Variants in NEFL observed in about 807,000 individuals in gnomAD.
NEFL encodes the protein neurofilament light polypeptide.
NEFL carries 36 observed loss-of-function variants against 51.6 expected under a neutral mutation model. That is an observed-to-expected ratio of 0.70 (90% CI 0.53 to 0.92). The LOEUF (loss-of-function observed/expected upper bound fraction) is 0.92. Among genes scored for constraint, NEFL ranks in the 40% least tolerant of loss-of-function variants. The pLI is 0.00. For missense variants in NEFL, 671 were observed against 722.0 expected (o/e 0.93, Z 0.81); for synonymous variants, 332 against 302.5 (o/e 1.10, Z -1.01).
Position 24,955,084 on chromosome 8 carries a change from G to A in NEFL, c.1044+388C>T, listed in dbSNP as rs1031723023. 5 of 208,852 alleles carry A rather than the reference G, an allele frequency of 2.4e-5. No individual in the cohort carries two copies. Among genetic ancestry groups the A allele is most frequent in the Non-Finnish European group, 3.9e-5 (4 of 103,280 alleles). 12.9% of individuals were successfully genotyped at this position (208,852 alleles called of 1,614,324 possible). A position where few individuals can be genotyped will look rare whatever the true frequency, so the allele number is the denominator to read the frequency against. On this transcript the variant is annotated intron_variant, in intron 1 of 3. Transcript: ENST00000610854. The surrounding 1 kb of genome is among the most constrained non-coding windows in gnomAD (Gnocchi z 4.0). ...AGTAATCCTTCAGAATTAATTGAGAGTTGTTCACTCTACTATTTATTAACT... is the reference window on the plus strand; with the variant it reads ...AGTAATCCTTCAGAATTAATTGAGAATTGTTCACTCTACTATTTATTAACT...
Position 24,956,044 on chromosome 8 carries a change from G to T in NEFL, c.472C>A (p.Gln158Lys). ...LAAEDATNEK[Q>K]ALQGEREGLE... ...CCTTCGCGCTCGCCCTGGAGCGCCT[G>T]CTTCTCGTTGGTGGCATCTTCCGCC... The change falls in exon 1 of 4, where the codon CAG becomes AAG. Residue 158 changes from glutamine to lysine, a missense_variant. Gln to Lys is a moderately conservative substitution (Grantham distance 53). Coordinates refer to ENST00000610854, the MANE Select transcript of NEFL (RefSeq NM_006158.5). This position sits in a 1 kb window ranked among gnomAD's most constrained non-coding sequence, Gnocchi z 5.9. The T allele has an allele frequency of 6.2e-7, 1 of 1,604,130 alleles. No homozygotes were observed.
chr8:24,955,236 G>T lies in NEFL; in HGVS notation c.1044+236C>A, dbSNP rs1248992756. 3.7e-6 allele frequency: 2 copies of T among 534,714 alleles called. No homozygotes were observed. The highest frequency in any genetic ancestry group is 6.5e-6 in the Non-Finnish European group (2 of 305,638). 33.1% of individuals were successfully genotyped at this position (534,714 alleles called of 1,614,324 possible). ...CCCCTCCCCCACCCAACAAGGGCTG[G>T]GCAGCTTTAATGCGGAACGCCGGTG... On this transcript the variant is annotated intron_variant, in intron 1 of 3. Transcript: ENST00000610854. The surrounding 1 kb of genome is among the most constrained non-coding windows in gnomAD (Gnocchi z 4.0).
intron 2 of NEFL, 189 bp downstream of exon 2, chr8:24,953,992 C>G: frequency 8.5e-7 from 1 of 1,174,164 alleles, no homozygotes; most frequent in Non-Finnish European, 1.2e-6. Context: ...AAGATAAAAA[C>G]AGGACTCCTA....
Position 24,953,458 on chromosome 8 carries a change from G to A in NEFL, c.1489+18C>T, listed in dbSNP as rs1426778020. On this transcript the variant is annotated intron_variant, in intron 3 of 3. Coordinates refer to ENST00000610854, the MANE Select transcript of NEFL (RefSeq NM_006158.5). ...CCCAGTTTACACTTGAAGTTGCAGG[G>A]GTTTTTTCTTATCATACCTTCTTCC... 2 of 1,550,646 alleles carry A rather than the reference G, an allele frequency of 1.3e-6. No homozygotes were observed. Among genetic ancestry groups the A allele is most frequent in the Admixed American group, 2.0e-5 (1 of 51,066 alleles).
rs1042553775 is a variant in NEFL at position 24,952,386 on chromosome 8, G to A, written c.*424C>T. 6.2e-6 allele frequency: 1 copy of A among 160,008 alleles called. No homozygotes were observed. Among genetic ancestry groups the A allele is most frequent in the Non-Finnish European group, 1.4e-5 (1 of 72,858 alleles). The allele number at this position is 160,008 out of a possible 1,614,324, so 9.9% of individuals were successfully genotyped here. The stretch of plus-strand genomic sequence containing the variant: ...ACCACAGCAAAAAATACATCATTCG[G>A]TATAACTTTATTTACTATTTATTGC... On this transcript the variant is annotated 3_prime_UTR_variant, in exon 4 of 4. Coordinates refer to ENST00000610854, the MANE Select transcript of NEFL (RefSeq NM_006158.5).
chr8:24,953,664 A>C lies in NEFL; in HGVS notation c.1301T>G (p.Met434Arg). Residue 434 changes from methionine to arginine, a missense_variant, in exon 3 of 4, where the codon ATG becomes AGG. Transcript: ENST00000610854. ...GTAGGACGGGAAGGAGCGGGTGGAC[A>C]TCAGATAGGAGCTGGTCTGTAAACC... Reference protein sequence around the residue: ...YGGLQTSSYLMSTRSFPSYYT... With the variant: ...YGGLQTSSYLRSTRSFPSYYT... 1 of 1,613,996 alleles carries C rather than the reference A, an allele frequency of 6.2e-7. No homozygotes were observed. The highest frequency in any genetic ancestry group is 1.1e-5 in the South Asian group (1 of 91,078).
rs1803002899 is a variant in NEFL at position 24,953,700 on chromosome 8, G to A, written c.1265C>T (p.Ser422Phe). The stretch of plus-strand genomic sequence containing the variant: ...GCTGGTCTGTAAACCGCCGTAGGCA[G>A]ATCGGCCAAAGACCTGGGAGCTCTG... ...YSQSSQVFGR[S>F]AYGGLQTSSY... Residue 422 changes from serine to phenylalanine, a missense_variant, in exon 3 of 4, where the codon TCT (serine) becomes TTT (phenylalanine). Transcript: ENST00000610854. 6.2e-7 allele frequency: 1 copy of A among 1,614,018 alleles called. No homozygotes were observed. Among genetic ancestry groups the A allele is most frequent in the Non-Finnish European group, 8.5e-7 (1 of 1,179,886 alleles).
Position 24,955,266 on chromosome 8 carries a change from A to C in NEFL, c.1044+206T>G. 1 of 548,336 alleles carries C rather than the reference A, an allele frequency of 1.8e-6. No individual in the cohort carries two copies. The allele number at this position is 548,336 out of a possible 1,614,324, so 34.0% of individuals were successfully genotyped here. A position where few individuals can be genotyped will look rare whatever the true frequency, so the allele number is the denominator to read the frequency against. ...CTTTAATGCGGAACGCCGGTGCAGC[A>C]GCACGGAGCACACTCCCAGACTACA... On this transcript the variant is annotated intron_variant, in intron 1 of 3. Transcript: ENST00000610854. This position sits in a 1 kb window ranked among gnomAD's most constrained non-coding sequence, Gnocchi z 4.0.
chr8:24,955,311 C>G lies in NEFL; in HGVS notation c.1044+161G>C. ...ACTACAGTGGCGCCCGCACTCACGC[C>G]CTTCAAGTGCCCCACCCCTCCCACA... On this transcript the variant is annotated intron_variant, in intron 1 of 3. Coordinates refer to ENST00000610854, the MANE Select transcript of NEFL (RefSeq NM_006158.5). The surrounding 1 kb of genome is among the most constrained non-coding windows in gnomAD (Gnocchi z 4.0). 1 of 694,718 alleles carries G rather than the reference C, an allele frequency of 1.4e-6. No homozygotes were observed. Among genetic ancestry groups the G allele is most frequent in the Non-Finnish European group, 2.4e-6 (1 of 424,718 alleles). The allele number at this position is 694,718 out of a possible 1,614,324, so 43.0% of individuals were successfully genotyped here.
Position 24,955,194 on chromosome 8 carries a change from C to T in NEFL, c.1044+278G>A. 1.9e-6 allele frequency: 1 copy of T among 521,376 alleles called. No individual in the cohort carries two copies. The highest frequency in any genetic ancestry group is 3.4e-6 in the Non-Finnish European group (1 of 294,250). 32.3% of individuals were successfully genotyped at this position (521,376 alleles called of 1,614,324 possible). A position where few individuals can be genotyped will look rare whatever the true frequency, so the allele number is the denominator to read the frequency against. On this transcript the variant is annotated intron_variant, in intron 1 of 3. Coordinates refer to ENST00000610854, the MANE Select transcript of NEFL (RefSeq NM_006158.5). This position sits in a 1 kb window ranked among gnomAD's most constrained non-coding sequence, Gnocchi z 4.0. ...ATCTCACTGCAGGCCGGAGGCAACGCCCAATTCCCACGTCTTCCCCTCCCC... is the reference window on the plus strand; with the variant it reads ...ATCTCACTGCAGGCCGGAGGCAACGTCCAATTCCCACGTCTTCCCCTCCCC...
intron 2 of NEFL, 28 bp downstream of exon 2, chr8:24,954,153 G>A: frequency 6.2e-7 from 1 of 1,612,966 alleles, no homozygotes; most frequent in Non-Finnish European, 8.5e-7. Flanking sequence ...AGGTTTAATG[G>A]CTGCTGTCTT....
At position 24,955,467 on chromosome 8, in the gene NEFL, C is replaced by T. The variant is rs779620367; in HGVS notation, c.1044+5G>A. The T allele has an allele frequency of 1.3e-6, 2 of 1,584,924 alleles. No individual in the cohort carries two copies. The highest frequency in any genetic ancestry group is 1.7e-6 in the Non-Finnish European group (2 of 1,166,006). On this transcript the variant is annotated splice_donor_5th_base_variant and intron_variant, in intron 1 of 3. Coordinates refer to ENST00000610854, the MANE Select transcript of NEFL (RefSeq NM_006158.5). The surrounding 1 kb of genome is among the most constrained non-coding windows in gnomAD (Gnocchi z 4.0). ...CGCCCCCCTGTGTTTCTGGCCGTGC[C>T]GCACCTGCATAGCGCTGATGTCGGC...
Position 24,954,165 on chromosome 8 carries a change from GC to G in NEFL, c.1169+15del, listed in dbSNP as rs1803009058. The G allele has an allele frequency of 3.7e-6, 6 of 1,613,314 alleles. No individual in the cohort carries two copies. Among genetic ancestry groups the G allele is most frequent in the Non-Finnish European group, 5.1e-6 (6 of 1,179,752 alleles). On this transcript the variant is annotated intron_variant, in intron 2 of 3. Transcript: ENST00000610854. The stretch of plus-strand genomic sequence containing the variant: ...CTAAGGTTTAATGGCTGCTGTCTTT[GC>G]CCCTCTATTTTCACCTGTAAGCTGC...
rs749695834 is a variant in NEFL, at chr8:24,955,969, G to A, written c.547C>T (p.Leu183=). ...CGGCCCTCGGCGTCCTCGCGGCTCA[G>A]CACCTCCTCTTCATAGCGCGCCTGC... ...NLQARYEEEV[L]SREDAEGRLM... The change falls in exon 1 of 4, where the codon CTG becomes TTG. Residue 183 remains leucine (L), a synonymous_variant. Transcript: ENST00000610854. This position sits in a 1 kb window ranked among gnomAD's most constrained non-coding sequence, Gnocchi z 4.0. The A allele has an allele frequency of 5.0e-6, 8 of 1,602,968 alleles. No individual in the cohort carries two copies. The South Asian group carries it at 7.7e-5, about 15-fold the overall frequency.
In NEFL at chr8:24,952,208, CAT is replaced by C. The variant is rs1802978963; in HGVS notation, c.*600_*601del. ...GGAGAGATTTCACAAGTAATCATGA[CAT>C]AACTGTATCCCTCAGAATTTCCAAT... On this transcript the variant is annotated 3_prime_UTR_variant, in exon 4 of 4. Coordinates refer to ENST00000610854, the MANE Select transcript of NEFL (RefSeq NM_006158.5). 6.6e-6 allele frequency: 1 copy of C among 152,418 alleles called. No homozygotes were observed. The highest frequency in any genetic ancestry group is 1.5e-5 in the Non-Finnish European group (1 of 67,998). 9.4% of individuals were successfully genotyped at this position (152,418 alleles called of 1,614,324 possible). A position where few individuals can be genotyped will look rare whatever the true frequency, so the allele number is the denominator to read the frequency against.
Position 24,956,545 on chromosome 8 carries a change from G to C in NEFL, c.-30C>G, listed in dbSNP as rs1434149741. The C allele has an allele frequency of 1.3e-6, 2 of 1,562,170 alleles. No homozygotes were observed. Among genetic ancestry groups the C allele is most frequent in the African/African-American group, 2.7e-5 (2 of 73,640 alleles). On this transcript the variant is annotated 5_prime_UTR_variant, in exon 1 of 4. Transcript: ENST00000610854. The surrounding 1 kb of genome is among the most constrained non-coding windows in gnomAD (Gnocchi z 5.9). ...GCGGCCGGTGGCTCCCCGGCCCGCG[G>C]CGGCGGTGGGAGCCCGGAGAGAGAG...
In NEFL at chr8:24,955,800, T is replaced by C. The variant is rs1170226456; in HGVS notation, c.716A>G (p.Gln239Arg). ...CATCTCCACGGAGATCTGCGCGTACTGGATCTGCGCCTGCAGTTCGGCGAT... is the reference window on the plus strand; with the variant it reads ...CATCTCCACGGAGATCTGCGCGTACCGGATCTGCGCCTGCAGTTCGGCGAT... ...EEIAELQAQI[Q>R]YAQISVEMDV... The change falls in exon 1 of 4, where the codon CAG becomes CGG. Residue 239 changes from glutamine to arginine, a missense_variant. By Grantham distance (43) the Gln-to-Arg change is conservative. Coordinates refer to ENST00000610854, the MANE Select transcript of NEFL (RefSeq NM_006158.5). This position sits in a 1 kb window ranked among gnomAD's most constrained non-coding sequence, Gnocchi z 4.0. 7 of 1,612,592 alleles carry C rather than the reference T, an allele frequency of 4.3e-6. No homozygotes were observed. In the Admixed American group the frequency reaches 1.2e-4, roughly 27 times the overall value.
At position 24,955,097 on chromosome 8, in the gene NEFL, C is replaced by T. The variant is rs1803025260; in HGVS notation, c.1044+375G>A. On this transcript the variant is annotated intron_variant, in intron 1 of 3. Transcript: ENST00000610854. The surrounding 1 kb of genome is among the most constrained non-coding windows in gnomAD (Gnocchi z 4.0). ...AATTAATTGAGAGTTGTTCACTCTACTATTTATTAACTAGATGATCCGATA... is the reference window on the plus strand; with the variant it reads ...AATTAATTGAGAGTTGTTCACTCTATTATTTATTAACTAGATGATCCGATA... The T allele has an allele frequency of 4.2e-6, 1 of 236,002 alleles. No homozygotes were observed. Among genetic ancestry groups the T allele is most frequent in the African/African-American group, 2.2e-5 (1 of 44,734 alleles). 14.6% of individuals were successfully genotyped at this position (236,002 alleles called of 1,614,324 possible). A position where few individuals can be genotyped will look rare whatever the true frequency, so the allele number is the denominator to read the frequency against.
chr8:24,954,382 C>A (rs1803013367), intron 1 of NEFL, 77 bp from the exon 2 acceptor site: 5 of 1,528,328 alleles, frequency 3.3e-6, no homozygotes, highest in South Asian at 1.2e-5. Context: ...AGTGTAGTTG[C>A]AAAGGCCTAG....
Sources: gnomAD v4.1 joint callset for allele counts on GRCh38, gnomAD v4.1.1 for gene constraint, Gnocchi (gnomAD v3.1) non-coding constraint, MANE v1.5 for transcripts, NCBI Gene and HGNC (gene_info 2026-07-23, HGNC 2026-07-21) for gene names.